MTMR14: variants seen among roughly 807,000 people sequenced by gnomAD.
MTMR14 encodes phosphatidylinositol-3,5-bisphosphate 3-phosphatase MTMR14.
MTMR14 carries 48 observed loss-of-function variants against 86.3 expected under a neutral mutation model. The ratio of observed to expected loss-of-function variants is 0.56; its 90% CI spans 0.44 to 0.71. The LOEUF is 0.71. Among genes scored for constraint, MTMR14 ranks in the 30% least tolerant of loss-of-function variants. The probability of loss-of-function intolerance (pLI) is 0.00; values close to 1 mark genes in which losing one functional copy is unlikely to be tolerated. For synonymous variants in MTMR14, 366 were observed against 326.1 expected, an observed-to-expected ratio of 1.12 and a Z score of -1.32; for missense variants, 780 against 834.6, an observed-to-expected ratio of 0.93 and a Z score of 0.81.
chr3:9,676,223 G>A (rs963468586), intron 7 of MTMR14, among the ~76,000 whole-genome samples: 5 of 152,250 alleles, frequency 3.3e-5, no homozygotes, highest in African/African-American at 1.2e-4. Context: ...TCTGAAGTTT[G>A]TGTAGAGGCC....
At chr3:9,696,129 T>C (rs1282458225) in intron 17 of MTMR14, among the ~76,000 whole-genome samples, 2 of 152,206 alleles carry the variant, frequency 1.3e-5, no homozygotes, top group Admixed American at 1.3e-4. Flanking sequence ...AGCCTTAACA[T>C]AGAAAACCAT....
chr3:9,688,031 G>A, intron 14 of MTMR14, 140 bp downstream of exon 14: 1 of 774,006 alleles, frequency 1.3e-6, no homozygotes, highest in Non-Finnish European at 2.2e-6. Context: ...CCTTCGCTCT[G>A]AGGCCAGGGT....
At chr3:9,659,422 G>A (rs892157255) in intron 2 of MTMR14, among the ~76,000 whole-genome samples, 3 of 151,394 alleles carry the variant, frequency 2.0e-5, no homozygotes, top group African/African-American at 7.3e-5. Context: ...GAAAAAGTGA[G>A]AGAACAGAAA....
intron 17 of MTMR14, among the ~76,000 whole-genome samples, chr3:9,694,254 T>G (rs1175081721): frequency 6.6e-6 from 1 of 152,236 alleles, no homozygotes; most frequent in Non-Finnish European, 1.5e-5. Context: ...GCTGTCTGAC[T>G]TGGAAAAATC....
rs1037433537 is a variant in MTMR14, at chr3:9,662,279, C to T, written c.321C>T (p.Thr107=). ...SEKEKDTFES[T]VQVSKLQDLI... is the part of the protein sequence containing the mutation. ...GCCTGTGTGTTAGGTTTGAGAGTAC[C>T]GTACAGGTGAGCAAGTTGCAAGACC... The change falls in exon 3 of 19, where the codon ACC becomes ACT. Residue 107 remains threonine, a synonymous_variant. Coordinates refer to ENST00000296003, the MANE Select transcript of MTMR14 (RefSeq NM_001077525.3). 11 of 1,612,724 alleles carry T rather than the reference C, an allele frequency of 6.8e-6. No individual in the cohort carries two copies. The highest frequency in any genetic ancestry group is 3.3e-5 in the South Asian group (3 of 91,006).
chr3:9,685,580 T>G (rs1450969362), intron 13 of MTMR14, among the ~76,000 whole-genome samples: 1 of 152,164 alleles, frequency 6.6e-6, no homozygotes, highest in Non-Finnish European at 1.5e-5. Context: ...CTAAGGCCTT[T>G]CTGTGCCCCT....
intron 9 of MTMR14, among the ~76,000 whole-genome samples, chr3:9,682,361 C>T (rs528853159): frequency 3.2e-4 from 49 of 152,276 alleles, no homozygotes; most frequent in Non-Finnish European, 6.2e-4. Context: ...TGCTGGCATG[C>T]GTCACCCTCT....
chr3:9,649,805 C>T (rs2047173847), intron 1 of MTMR14, 63 bp downstream of exon 1: 1 of 1,599,612 alleles, frequency 6.3e-7, no homozygotes, highest in Admixed American at 1.7e-5. Context: ...AGAGGAAAGG[C>T]TGAGGCCAGG....
At chr3:9,679,118 GTTTTCTCTAT>G (rs953878481) in intron 9 of MTMR14, among the ~76,000 whole-genome samples, 6 of 152,184 alleles carry the variant, frequency 3.9e-5, no homozygotes, top group African/African-American at 1.4e-4. Context: ...GGTCCATCTT[GTTTTCTCTAT>G]ATATATCCAG....
intron 3 of MTMR14, among the ~76,000 whole-genome samples, chr3:9,664,896 T>C (rs2125072692): frequency 6.6e-6 from 1 of 152,140 alleles, no homozygotes; most frequent in South Asian, 2.1e-4. Context: ...TAAAAATAAG[T>C]GTATAATTGG....
intron 18 of MTMR14, chr3:9,700,964 A>G (rs572693747): frequency 6.6e-6 from 1 of 152,358 alleles, no homozygotes; most frequent in African/African-American, 2.4e-5. Flanking sequence ...GATTACAGGC[A>G]TATGCCACCA....
rs538653193 is a variant in MTMR14 at position 9,697,677 on chromosome 3, G to T, written c.1614-34G>T. 3.1e-6 allele frequency: 5 copies of T among 1,607,238 alleles called. No individual in the cohort carries two copies. In the South Asian group the frequency reaches 5.6e-5, roughly 18 times the overall value. On this transcript the variant is annotated intron_variant, in intron 17 of 18. Transcript: ENST00000296003. ...GCCTGTGTCAGGCATATGACTGACT[G>T]CATCCTCTCCCCTCTCTCTCCTCTC...
At chr3:9,699,585 C>T (rs2125424045) in intron 18 of MTMR14, 1 of 152,386 alleles carries the variant, frequency 6.6e-6, no homozygotes, top group African/African-American at 2.4e-5. Context: ...AAGTGTCAGC[C>T]TTGCCTTTTC....
Position 9,668,860 on chromosome 3 carries a change from C to T in MTMR14, c.493+66C>T, listed in dbSNP as rs554721464. 2.0e-5 allele frequency: 31 copies of T among 1,545,868 alleles called. No homozygotes were observed. In the Admixed American group the frequency reaches 4.7e-4, roughly 23 times the overall value. On this transcript the variant is annotated intron_variant, in intron 4 of 18. Coordinates refer to ENST00000296003, the MANE Select transcript of MTMR14 (RefSeq NM_001077525.3). ...CAGTCATAGAGAATAGCTACCCGGG[C>T]CGGGCGCCATGCCTCACGCCTGTAA...
intron 10 of MTMR14, chr3:9,683,598 A>C (rs1451912846): frequency 3.3e-6 from 1 of 299,906 alleles, no homozygotes; most frequent in Admixed American, 4.6e-5. Flanking sequence ...CGGGCTGCTC[A>C]GTGGATGCAC....
chr3:9,666,442 A>C (rs965281997), intron 3 of MTMR14, among the ~76,000 whole-genome samples: 1 of 152,220 alleles, frequency 6.6e-6, no homozygotes. Context: ...CAATGCCCAA[A>C]GTTTCACATC....
At chr3:9,658,988 G>C (rs1433511986) in intron 2 of MTMR14, among the ~76,000 whole-genome samples, 1 of 152,216 alleles carries the variant, frequency 6.6e-6, no homozygotes, top group Non-Finnish European at 1.5e-5. Flanking sequence ...CCAGGAGTTT[G>C]AGACTGAATT....
rs79510422 is a variant in MTMR14 at position 9,691,085 on chromosome 3, G to A, written c.1613+942G>A. ...TTCCCTCTGGGCAAAAACAGGCAAT[G>A]AAGGAAGTTGGGGAAGAACATCCTC... On this transcript the variant is annotated intron_variant, in intron 17 of 18. Transcript: ENST00000296003. 5.3e-3 allele frequency among the ~76,000 whole-genome samples: 804 copies of A among 152,336 alleles called. 10 individuals are homozygous for A. The highest frequency in any genetic ancestry group is 0.019 in the African/African-American group (769 of 41,566).
intron 3 of MTMR14, among the ~76,000 whole-genome samples, chr3:9,666,149 T>C (rs1381579385): frequency 1.3e-5 from 2 of 149,030 alleles, no homozygotes; most frequent in Non-Finnish European, 1.5e-5. Context: ...TTTTTTTTTT[T>C]TTTTGAGACA....
Sources: allele counts gnomAD v4.1 joint callset (sites outside exome capture counted in the v4.1 genomes callset), GRCh38; gene constraint gnomAD v4.1.1; transcripts MANE v1.5; gene names NCBI Gene and HGNC (gene_info 2026-07-23, HGNC 2026-07-21).